The following ARHGAP15 variants were observed in gnomAD, a reference collection of about 807,000 sequenced individuals.
ARHGAP15 encodes rho GTPase-activating protein 15.
In ARHGAP15, 51 loss-of-function variants were observed where a neutral mutation model predicts 63.7. The ratio of observed to expected loss-of-function variants is 0.80; its 90% CI spans 0.64 to 1.01. The LOEUF is 1.01. Ranked by LOEUF, ARHGAP15 falls within the 50% of genes least tolerant of loss-of-function variation. The pLI is 0.00. For missense variants in ARHGAP15, 560 were observed against 564.6 expected, an observed-to-expected ratio of 0.99 and a Z score of 0.08; for synonymous variants, 191 against 193.8, an observed-to-expected ratio of 0.99 and a Z score of 0.12.
intron 9 of ARHGAP15, among the ~76,000 whole-genome samples, chr2:143,489,988 T>A (rs187997407): frequency 6.6e-6 from 1 of 152,220 alleles, no homozygotes; most frequent in East Asian, 1.9e-4. Flanking sequence ...GTTTTCTTTT[T>A]CTTTTTGTTT....
chr2:143,217,566 T>C (rs766747753), intron 4 of ARHGAP15, among the ~76,000 whole-genome samples: 34 of 152,270 alleles, frequency 2.2e-4, no homozygotes, highest in Admixed American at 1.6e-3. Context: ...GCAAGGTTGC[T>C]TTAAGAGATG....
intron 6 of ARHGAP15, among the ~76,000 whole-genome samples, chr2:143,341,431 TC>T (rs946216411): frequency 1.3e-5 from 2 of 152,166 alleles, no homozygotes; most frequent in African/African-American, 4.8e-5. Flanking sequence ...TGAGGTTTCC[TC>T]TAGGACGAAT....
chr2:143,265,244 C>T lies in ARHGAP15; in HGVS notation c.474+14644C>T, dbSNP rs143137365. On this transcript the variant is annotated intron_variant, in intron 6 of 13. Coordinates refer to ENST00000295095, the MANE Select transcript of ARHGAP15 (RefSeq NM_018460.4). ...TGATTTTTTTTTTTTTTTAATAGAA[C>T]GACCCAACAGAATCCAGGGTTGTCA... 9.0e-3 allele frequency among the ~76,000 whole-genome samples: 1,340 copies of T among 148,684 alleles called. 17 individuals carry two copies. The highest frequency in any genetic ancestry group is 0.031 in the African/African-American group (1,256 of 40,238).
chr2:143,365,276 A>G (rs1686247223), intron 6 of ARHGAP15, among the ~76,000 whole-genome samples: 2 of 152,182 alleles, frequency 1.3e-5, no homozygotes, highest in African/African-American at 4.8e-5. Context: ...CCTAAGGAGT[A>G]AAATAAATAA....
chr2:143,337,599 C>A (rs531606357), intron 6 of ARHGAP15, among the ~76,000 whole-genome samples: 2 of 152,096 alleles, frequency 1.3e-5, no homozygotes, highest in African/African-American at 4.8e-5. Flanking sequence ...CTGTACAATA[C>A]CTTCTTTTCA....
intron 6 of ARHGAP15, among the ~76,000 whole-genome samples, chr2:143,289,551 G>A (rs766624607): frequency 6.6e-6 from 1 of 152,146 alleles, no homozygotes; most frequent in Non-Finnish European, 1.5e-5. Flanking sequence ...TTTACAGGGT[G>A]GAAAACCCTG....
chr2:143,313,980 T>A (rs1452266441), intron 6 of ARHGAP15, among the ~76,000 whole-genome samples: 1 of 152,004 alleles, frequency 6.6e-6, no homozygotes, highest in Non-Finnish European at 1.5e-5. Context: ...TGTTTTGTTT[T>A]TTGTTTTTAC....
chr2:143,721,986 A>G (rs1315033179), intron 13 of ARHGAP15, among the ~76,000 whole-genome samples: 3 of 152,214 alleles, frequency 2.0e-5, no homozygotes, highest in Non-Finnish European at 4.4e-5. Context: ...AACTTATGTT[A>G]TGCAAACATG....
chr2:143,381,315 C>T (rs533401363), intron 6 of ARHGAP15, among the ~76,000 whole-genome samples: 81 of 152,218 alleles, frequency 5.3e-4, no homozygotes, highest in Admixed American at 1.4e-3. Context: ...TTTGACTTCT[C>T]ATATTCCCTT....
At chr2:143,570,904 G>T (rs1696420724) in intron 11 of ARHGAP15, among the ~76,000 whole-genome samples, 2 of 152,280 alleles carry the variant, frequency 1.3e-5, no homozygotes, top group South Asian at 4.1e-4. Flanking sequence ...TAAAGCAGGG[G>T]TTTCCAGCCC....
chr2:143,382,090 CT>C (rs1558933867), intron 6 of ARHGAP15, among the ~76,000 whole-genome samples: 92 of 27,954 alleles, frequency 3.3e-3, no homozygotes, highest in African/African-American at 0.014. Flanking sequence ...CCTTTCCTTC[CT>C]TCCTCCCTCC....
intron 6 of ARHGAP15, among the ~76,000 whole-genome samples, chr2:143,315,713 T>G (rs2105203891): frequency 6.6e-6 from 1 of 152,132 alleles, no homozygotes; most frequent in East Asian, 1.9e-4. Context: ...CTCTCCAACA[T>G]TTTTTAACCT....
At chr2:143,284,439 A>G (rs1424056850) in intron 6 of ARHGAP15, among the ~76,000 whole-genome samples, 1 of 152,336 alleles carries the variant, frequency 6.6e-6, no homozygotes, top group Non-Finnish European at 1.5e-5. Flanking sequence ...TGAAGTTTAT[A>G]TATGAGTATG....
chr2:143,257,691 G>A (rs1473917893), intron 6 of ARHGAP15, among the ~76,000 whole-genome samples: 2 of 152,048 alleles, frequency 1.3e-5, no homozygotes, highest in Non-Finnish European at 2.9e-5. Context: ...GGGCTCCTGT[G>A]GCTTGCAACG....
Position 143,422,806 on chromosome 2 carries a change from G to A in ARHGAP15, c.475-12795G>A, listed in dbSNP as rs546389544. 2.6e-5 allele frequency among the ~76,000 whole-genome samples: 4 copies of A among 152,116 alleles called. No individual in the cohort carries two copies. The East Asian group carries it at 7.7e-4, about 29-fold the overall frequency. On this transcript the variant is annotated intron_variant, in intron 6 of 13. Coordinates refer to ENST00000295095, the MANE Select transcript of ARHGAP15 (RefSeq NM_018460.4). ...TTCCTAAAAGGGGGCCTGGCAAAAG[G>A]ACACTACCAGCCGAGAGAGTCTGGT...
chr2:143,481,507 G>C (rs984218411), intron 8 of ARHGAP15, among the ~76,000 whole-genome samples: 1 of 152,148 alleles, frequency 6.6e-6, no homozygotes, highest in Non-Finnish European at 1.5e-5. Flanking sequence ...TCCCCAGAAA[G>C]AGATGTTCTG....
At chr2:143,465,193 C>T (rs1691141612) in intron 8 of ARHGAP15, among the ~76,000 whole-genome samples, 1 of 152,062 alleles carries the variant, frequency 6.6e-6, no homozygotes, top group Non-Finnish European at 1.5e-5. Context: ...CTTTAATGAG[C>T]CTCAGCCAAA....
intron 8 of ARHGAP15, among the ~76,000 whole-genome samples, chr2:143,471,209 T>G (rs1448049858): frequency 6.8e-6 from 1 of 147,656 alleles, no homozygotes; most frequent in Non-Finnish European, 1.5e-5. Flanking sequence ...TATATGTGTG[T>G]ATATATACAC....
At chr2:143,240,539 C>T (rs1288200920) in intron 5 of ARHGAP15, among the ~76,000 whole-genome samples, 1 of 152,092 alleles carries the variant, frequency 6.6e-6, no homozygotes, top group East Asian at 1.9e-4. Flanking sequence ...GATCTATCAG[C>T]CTTAGACTAA....
Sources: gnomAD v4.1 joint callset for allele counts (sites outside exome capture counted in the v4.1 genomes callset) on GRCh38, gnomAD v4.1.1 for gene constraint, MANE v1.5 for transcripts, NCBI Gene and HGNC (gene_info 2026-07-23, HGNC 2026-07-21) for gene names.